The following RAD9B variants were observed in gnomAD, a reference collection of about 807,000 sequenced individuals.
RAD9B encodes cell cycle checkpoint control protein RAD9B.
Under a neutral mutation model 48.3 loss-of-function variants are expected in RAD9B, and 41 were observed. The ratio of observed to expected loss-of-function variants is 0.85; its 90% CI spans 0.66 to 1.10. RAD9B has a LOEUF of 1.10. Among genes scored for constraint, RAD9B ranks in the 50% least tolerant of loss-of-function variants. The probability of loss-of-function intolerance (pLI) is 0.00; values close to 1 mark genes in which losing one functional copy is unlikely to be tolerated. For synonymous variants in RAD9B, 160 were observed against 157.9 expected (o/e 1.01, Z -0.10); for missense variants, 444 against 485.1 (o/e 0.92, Z 0.80).
At chr12:110,510,273 T>G (rs2063420761) in intron 4 of RAD9B, among the ~76,000 whole-genome samples, 1 of 152,226 alleles carries the variant, frequency 6.6e-6, no homozygotes, top group Non-Finnish European at 1.5e-5. Context: ...TGAAGACAGA[T>G]TTTTGTCTGA....
At position 110,503,818 on chromosome 12, in the gene RAD9B, C is replaced by T. The variant is rs957792130; in HGVS notation, c.59C>T (p.Ala20Val). 5 of 1,607,228 alleles carry T rather than the reference C, an allele frequency of 3.1e-6. No individual in the cohort carries two copies. The highest frequency in any genetic ancestry group is 3.4e-5 in the Admixed American group (2 of 59,028). The change falls in exon 2 of 11, where the codon GCA becomes GTA. Residue 20 changes from alanine (A) to valine (V), a missense_variant. Ala to Val is a moderately conservative substitution (Grantham distance 64). Coordinates refer to ENST00000409300, the MANE Select transcript of RAD9B (RefSeq NM_001286535.2). ...SGSQVKVFGK[A>V]VQALSRISDE... is the part of the protein sequence containing the mutation. ...TTTTTCTCCATAGTATTTGGGAAAG[C>T]AGTTCAAGCTCTATCACGAATTAGT... is the stretch of plus-strand genomic sequence containing the variant.
At position 110,530,454 on chromosome 12, in the gene RAD9B, T is replaced by A. The variant is rs1183966781; in HGVS notation, c.1126-71T>A. Reference sequence around the variant, plus strand: ...TACTGGTCAGGTTTCTGAGGAGGGCTGTCACCTGGAGCATTTAATGAGCAA... The same window carrying A: ...TACTGGTCAGGTTTCTGAGGAGGGCAGTCACCTGGAGCATTTAATGAGCAA... On this transcript the variant is annotated intron_variant, in intron 10 of 10. Coordinates refer to ENST00000409300, the MANE Select transcript of RAD9B (RefSeq NM_001286535.2). 8 of 1,428,168 alleles carry A rather than the reference T, an allele frequency of 5.6e-6. No homozygotes were observed. In the Admixed American group the frequency reaches 8.7e-5, roughly 16 times the overall value. 88.5% of individuals were successfully genotyped at this position (1,428,168 alleles called of 1,614,324 possible).
intron 10 of RAD9B, among the ~76,000 whole-genome samples, chr12:110,529,948 T>C (rs553748076): frequency 4.8e-4 from 73 of 152,280 alleles, no homozygotes; most frequent in Admixed American, 1.4e-3. Flanking sequence ...TCAGTTCTGG[T>C]GGAAGCTTTG....
At chr12:110,511,081 G>C (rs1444532375) in intron 4 of RAD9B, among the ~76,000 whole-genome samples, 1 of 152,172 alleles carries the variant, frequency 6.6e-6, no homozygotes, top group African/African-American at 2.4e-5. Flanking sequence ...ATCAGTCCTG[G>C]ATGGAGGGTA....
rs572148620 is a variant in RAD9B, at chr12:110,509,449, A to T, written c.388+2756A>T. 3.2e-4 allele frequency among the ~76,000 whole-genome samples: 49 copies of T among 152,088 alleles called. 1 individual carries two copies. The highest frequency in any genetic ancestry group is 3.4e-3 in the Middle Eastern group (1 of 294). On this transcript the variant is annotated intron_variant, in intron 4 of 10. Coordinates refer to ENST00000409300, the MANE Select transcript of RAD9B (RefSeq NM_001286535.2). ...TCACACCTGGCTAATTTTTAAAAAA[A>T]TTTTAATAGATAACAAGGTCTCACT...
chr12:110,511,383 G>T lies in RAD9B; in HGVS notation c.389-1396G>T, dbSNP rs565487694. ...GAAAATGTAGTATATATACACAATGGAATACTATTTGGCCATAAAAATAAT... is the reference window on the plus strand; with the variant it reads ...GAAAATGTAGTATATATACACAATGTAATACTATTTGGCCATAAAAATAAT... On this transcript the variant is annotated intron_variant, in intron 4 of 10. Coordinates refer to ENST00000409300, the MANE Select transcript of RAD9B (RefSeq NM_001286535.2). 49 of 393,728 alleles carry T rather than the reference G, an allele frequency of 1.2e-4. 1 individual carries two copies. Among genetic ancestry groups the T allele is most frequent in the African/African-American group, 8.2e-4 (40 of 48,866 alleles). The allele number at this position is 393,728 out of a possible 1,614,324, so 24.4% of individuals were successfully genotyped here.
intron 6 of RAD9B, among the ~76,000 whole-genome samples, chr12:110,516,240 T>C (rs1211689468): frequency 6.6e-6 from 1 of 151,316 alleles, no homozygotes; most frequent in South Asian, 2.1e-4. Context: ...AAAAAAAAAA[T>C]TGAAGCACAG....
At chr12:110,502,494 G>C in intron 1 of RAD9B, 111 bp downstream of exon 1, 1 of 1,266,258 alleles carries the variant, frequency 7.9e-7, no homozygotes, top group Non-Finnish European at 1.1e-6. Flanking sequence ...CAATGACTGA[G>C]GACGCACGCC....
At chr12:110,520,052 G>T (rs2063727689) in intron 9 of RAD9B, 136 bp downstream of exon 9, 1 of 888,166 alleles carries the variant, frequency 1.1e-6, no homozygotes, top group Non-Finnish European at 1.7e-6. Context: ...GAATACAGAA[G>T]AGCTGTAGTG....
intron 9 of RAD9B, among the ~76,000 whole-genome samples, chr12:110,521,645 C>T (rs1422920239): frequency 6.6e-6 from 1 of 151,152 alleles, no homozygotes; most frequent in Non-Finnish European, 1.5e-5. Flanking sequence ...CAACCTCCGC[C>T]TCCTGGGTTC....
chr12:110,531,277 C>A lies in RAD9B; in HGVS notation c.*624C>A. ...GTGCAATCTCTGCTCACTGCAACATCTGCCTCCCAGGTCCAAGCGATTCTC... is the reference window on the plus strand; with the variant it reads ...GTGCAATCTCTGCTCACTGCAACATATGCCTCCCAGGTCCAAGCGATTCTC... On this transcript the variant is annotated 3_prime_UTR_variant, in exon 11 of 11. Transcript: ENST00000409300. The A allele has an allele frequency of 1.8e-6, 1 of 551,292 alleles. No individual in the cohort carries two copies. The highest frequency in any genetic ancestry group is 2.6e-6 in the Non-Finnish European group (1 of 389,810). 34.2% of individuals were successfully genotyped at this position (551,292 alleles called of 1,614,324 possible).
chr12:110,520,807 C>T (rs1352578302), intron 9 of RAD9B, among the ~76,000 whole-genome samples: 13 of 151,726 alleles, frequency 8.6e-5, no homozygotes, highest in African/African-American at 2.4e-4. Flanking sequence ...TGCACTAACA[C>T]GCCTGGCTAA....
chr12:110,512,948 C>T, intron 5 of RAD9B, 70 bp downstream of exon 5: 1 of 747,080 alleles, frequency 1.3e-6, no homozygotes, highest in Non-Finnish European at 2.2e-6. Flanking sequence ...GAATCAATGC[C>T]CTAGAGCTTT....
intron 10 of RAD9B, among the ~76,000 whole-genome samples, chr12:110,529,215 C>T (rs1380298245): frequency 2.0e-5 from 3 of 152,160 alleles, no homozygotes; most frequent in East Asian, 1.9e-4. Flanking sequence ...TCAATCTCAG[C>T]TCACTGCAAC....
Position 110,522,249 on chromosome 12 carries a change from A to T in RAD9B, c.963A>T (p.Ala321=), listed in dbSNP as rs2063808734. ...GQALECISKK[A]APRRLYPKET... ...CCCTGGAATGTATTTCAAAAAAAGC[A>T]GCACCAAGAAGGCTTTATCCTAAGG... The change falls in exon 10 of 11, where the codon GCA becomes GCT. Residue 321 remains alanine (A), a synonymous_variant. Coordinates refer to ENST00000409300, the MANE Select transcript of RAD9B (RefSeq NM_001286535.2). 1 of 1,611,476 alleles carries T rather than the reference A, an allele frequency of 6.2e-7. No homozygotes were observed. Among genetic ancestry groups the T allele is most frequent in the Non-Finnish European group, 8.5e-7 (1 of 1,178,930 alleles).
intron 6 of RAD9B, among the ~76,000 whole-genome samples, chr12:110,518,355 C>T (rs2063673200): frequency 6.6e-6 from 1 of 151,996 alleles, no homozygotes; most frequent in Non-Finnish European, 1.5e-5. Context: ...ACAGTAAGAC[C>T]CTCTCTCAAA....
At chr12:110,515,367 C>T (rs540728241) in intron 6 of RAD9B, among the ~76,000 whole-genome samples, 15 of 152,188 alleles carry the variant, frequency 9.9e-5, no homozygotes, top group African/African-American at 3.6e-4. Flanking sequence ...TGTTTTAAAA[C>T]TAGGAGAATG....
intron 6 of RAD9B, among the ~76,000 whole-genome samples, chr12:110,516,463 G>A (rs1593074497): frequency 6.6e-6 from 1 of 152,254 alleles, no homozygotes; most frequent in South Asian, 2.1e-4. Flanking sequence ...GGAGTGACAT[G>A]AGCCTTCTTG....
At chr12:110,509,402 CCACACCTGGCTAATTTTTTTTT>C (rs1826104121) in intron 4 of RAD9B, among the ~76,000 whole-genome samples, 1 of 151,974 alleles carries the variant, frequency 6.6e-6, no homozygotes, top group African/African-American at 2.4e-5. Context: ...ACCACGCCCA[CCACACCTGGCTAATTTTTTTTT>C]CACACCTGGC....
Sources: allele counts gnomAD v4.1 joint callset (sites outside exome capture counted in the v4.1 genomes callset), GRCh38; gene constraint gnomAD v4.1.1; transcripts MANE v1.5; gene names NCBI Gene and HGNC (gene_info 2026-07-23, HGNC 2026-07-21).